Variants in IL23R observed in about 807,000 individuals in gnomAD.
IL23R encodes interleukin 23 receptor, also known as interleukin-23 receptor.
A neutral mutation model predicts 56.9 loss-of-function variants in IL23R; 34 were observed. That is an observed-to-expected ratio of 0.60 (90% confidence interval 0.45 to 0.80). IL23R has a LOEUF of 0.80. Ranked by LOEUF, IL23R falls within the 30% of genes least tolerant of loss-of-function variation. The pLI, the probability that IL23R is intolerant of heterozygous loss-of-function variation, is 0.00. For missense variants in IL23R, 635 were observed against 730.0 expected (o/e 0.87, Z 1.50); for synonymous variants, 230 against 249.2 (o/e 0.92, Z 0.73).
Position 67,259,834 on chromosome 1 carries a change from G to A in IL23R, c.*706G>A. On this transcript the variant is annotated 3_prime_UTR_variant, in exon 11 of 11. Transcript: ENST00000347310. ...CAAAAATTAGCCGGCCATGGTGGCA[G>A]GTGCTTGTAATCCCAGCTACTTGGG... The A allele has an allele frequency of 6.6e-6, 1 of 152,002 alleles. No homozygotes were observed. Among genetic ancestry groups the A allele is most frequent in the Non-Finnish European group, 1.5e-5 (1 of 68,132 alleles). The allele number at this position is 152,002 out of a possible 1,614,324, so 9.4% of individuals were successfully genotyped here. A position where few individuals can be genotyped will look rare whatever the true frequency, so the allele number is the denominator to read the frequency against.
intron 9 of IL23R, among the ~76,000 whole-genome samples, chr1:67,252,444 G>A (rs1208498804): frequency 2.0e-5 from 3 of 152,030 alleles, no homozygotes; most frequent in Admixed American, 6.6e-5. Context: ...TCCAGTTTCT[G>A]TTGTGACTTC....
intron 9 of IL23R, among the ~76,000 whole-genome samples, chr1:67,240,629 C>T (rs181946767): frequency 2.2e-4 from 34 of 152,270 alleles, no homozygotes; most frequent in South Asian, 1.9e-3. Flanking sequence ...TACTACACGG[C>T]GTTTTCCATT....
intron 7 of IL23R, among the ~76,000 whole-genome samples, chr1:67,235,521 G>C (rs1651417304): frequency 6.6e-6 from 1 of 151,746 alleles, no homozygotes; most frequent in Admixed American, 6.6e-5. Context: ...AGCCTCCCAA[G>C]TAGCTGGTAT....
intron 6 of IL23R, among the ~76,000 whole-genome samples, chr1:67,217,510 G>A (rs571904143): frequency 6.6e-5 from 10 of 152,122 alleles, no homozygotes; most frequent in African/African-American, 1.7e-4. Context: ...ACATATTGGA[G>A]ACTAACAACT....
At chr1:67,163,892 G>A (rs924196951), upstream of IL23R, among the ~76,000 whole-genome samples, 12 of 152,080 alleles carry the variant, frequency 7.9e-5, no homozygotes, top group African/African-American at 2.9e-4. Context: ...GGTAACACAA[G>A]AACAGTCTAA....
chr1:67,235,741 T>C (rs1314471645), intron 7 of IL23R, among the ~76,000 whole-genome samples: 5 of 152,164 alleles, frequency 3.3e-5, no homozygotes, highest in South Asian at 4.2e-4. Context: ...AACCTTTTCA[T>C]TGGAAATGTA....
chr1:67,183,752 T>C (rs1351878773), intron 4 of IL23R, among the ~76,000 whole-genome samples: 1 of 152,186 alleles, frequency 6.6e-6, no homozygotes, highest in Non-Finnish European at 1.5e-5. Context: ...TCATGGAAGC[T>C]ATTGTTAATA....
intron 6 of IL23R, chr1:67,207,318 T>G (rs1300533319): frequency 1.9e-6 from 1 of 522,320 alleles, no homozygotes; most frequent in Admixed American, 3.0e-5. Flanking sequence ...GTGCTAAGCA[T>G]AGTTACCAAT....
At chr1:67,262,912 CA>C (rs1653236656), downstream of IL23R, among the ~76,000 whole-genome samples, 2 of 152,062 alleles carry the variant, frequency 1.3e-5, no homozygotes, top group African/African-American at 4.8e-5. Context: ...AATGGAGTGT[CA>C]TAGTTCTGGA....
At chr1:67,180,386 T>A (rs1647118058) in intron 3 of IL23R, among the ~76,000 whole-genome samples, 3 of 152,108 alleles carry the variant, frequency 2.0e-5, no homozygotes, top group Admixed American at 2.0e-4. Context: ...GCCTTTTTTG[T>A]CTCTTTTGAT....
At chr1:67,186,120 C>T (rs1393740256) in intron 4 of IL23R, among the ~76,000 whole-genome samples, 1 of 152,146 alleles carries the variant, frequency 6.6e-6, no homozygotes, top group Non-Finnish European at 1.5e-5. Context: ...AGCAAGACAA[C>T]TAGAGTCTCA....
chr1:67,166,235 C>T (rs1646872393), upstream of IL23R, among the ~76,000 whole-genome samples: 1 of 152,072 alleles, frequency 6.6e-6, no homozygotes, highest in South Asian at 2.1e-4. Context: ...AGTGTTCTGC[C>T]TCTTGGATGA....
chr1:67,168,215 C>T (rs755813399), intron 2 of IL23R, 25 bp downstream of exon 2: 2 of 1,490,338 alleles, frequency 1.3e-6, no homozygotes, highest in South Asian at 2.3e-5. Context: ...GTATCTATTG[C>T]TATCTTTCAT....
At chr1:67,186,936 T>A (rs558222095) in intron 4 of IL23R, among the ~76,000 whole-genome samples, 41 of 152,352 alleles carry the variant, frequency 2.7e-4, no homozygotes, top group African/African-American at 9.1e-4. Flanking sequence ...TTCCTTTTTT[T>A]AATAATGTTC....
chr1:67,158,488 T>C (rs1646789371), intron 1 of IL23R, among the ~76,000 whole-genome samples: 2 of 152,198 alleles, frequency 1.3e-5, no homozygotes, highest in Non-Finnish European at 2.9e-5. Flanking sequence ...TTTAATCATA[T>C]ACAAATTAAG....
At chr1:67,157,828 T>C (rs1646782042) in intron 1 of IL23R, among the ~76,000 whole-genome samples, 1 of 152,244 alleles carries the variant, frequency 6.6e-6, no homozygotes, top group South Asian at 2.1e-4. Context: ...CAGACTAGAA[T>C]GAAAACTCCA....
Position 67,240,212 on chromosome 1 carries a change from T to C in IL23R, c.1079T>C (p.Met360Thr). The change falls in exon 9 of 11, where the codon ATG (methionine) becomes ACG (threonine). Residue 360 changes from methionine to threonine, a missense_variant. Transcript: ENST00000347310. ...GGAGACATTGGACTTTTATTGGGAA[T>C]GATCGTCTTTGCTGTTATGTTGTCA... ...NRGDIGLLLG[M>T]IVFAVMLSIL... 1 of 1,612,916 alleles carries C rather than the reference T, an allele frequency of 6.2e-7. No individual in the cohort carries two copies.
intron 1 of IL23R, among the ~76,000 whole-genome samples, chr1:67,156,048 C>T (rs1364295827): frequency 6.6e-6 from 1 of 152,096 alleles, no homozygotes; most frequent in Non-Finnish European, 1.5e-5. Flanking sequence ...CAGTCAGGTC[C>T]CTCTTCTGCA....
intron 3 of IL23R, among the ~76,000 whole-genome samples, chr1:67,172,655 C>G (rs1445927151): frequency 6.6e-6 from 1 of 152,122 alleles, no homozygotes; most frequent in African/African-American, 2.4e-5. Flanking sequence ...TTTTAAATAT[C>G]TTTGACTTTT....
Sources: gnomAD v4.1 joint callset for allele counts (sites outside exome capture counted in the v4.1 genomes callset) on GRCh38, gnomAD v4.1.1 for gene constraint, MANE v1.5 for transcripts, NCBI Gene and HGNC (gene_info 2026-07-23, HGNC 2026-07-21) for gene names.